SGCB: variants seen among roughly 807,000 people sequenced by gnomAD.
The protein encoded by SGCB is beta-sarcoglycan.
Under a neutral mutation model 27.3 loss-of-function variants are expected in SGCB, and 25 were observed. The ratio of observed to expected loss-of-function variants is 0.92; its 90% CI spans 0.67 to 1.28. SGCB has a LOEUF of 1.28. SGCB is among the 50% of genes most tolerant of loss of function. The pLI is 0.00. For missense variants in SGCB, 436 were observed against 402.1 expected (o/e 1.08, Z -0.72); for synonymous variants, 147 against 133.5 (o/e 1.10, Z -0.70).
intron 5 of SGCB, 38 bp from the exon 6 acceptor site, chr4:52,024,198 T>A (rs747813118): frequency 6.6e-7 from 1 of 1,506,618 alleles, no homozygotes; most frequent in South Asian, 1.1e-5. Context: ...TTTACCTCCA[T>A]GAGGGGGTAC....
intron 5 of SGCB, among the ~76,000 whole-genome samples, chr4:52,025,534 C>T (rs1737068407): frequency 6.6e-6 from 1 of 152,202 alleles, no homozygotes; most frequent in African/African-American, 2.4e-5. Context: ...GTGAAGGGAA[C>T]AACCAGTAGG....
intron 1 of SGCB, among the ~76,000 whole-genome samples, chr4:52,036,995 T>G (rs946442512): frequency 6.6e-6 from 1 of 152,202 alleles, no homozygotes; most frequent in Non-Finnish European, 1.5e-5. Context: ...GGAGACGTAA[T>G]GCGTAAATTT....
intron 1 of SGCB, among the ~76,000 whole-genome samples, chr4:52,037,334 A>AT (rs1182660764): frequency 1.3e-5 from 2 of 152,200 alleles, no homozygotes; most frequent in African/African-American, 4.8e-5. Flanking sequence ...CCAGTGACAT[A>AT]TATCTAATAG....
rs368795726 is a variant in SGCB at position 52,028,863 on chromosome 4, G to A, written c.488C>T (p.Thr163Ile). The A allele has an allele frequency of 9.9e-6, 16 of 1,613,738 alleles. No individual in the cohort carries two copies. Among genetic ancestry groups the A allele is most frequent in the Non-Finnish European group, 1.4e-5 (16 of 1,179,798 alleles). ...LSVENNKTSI[T>I]SDIGMQFFDP... is the part of the protein sequence containing the mutation. Reference sequence around the variant, plus strand: ...AAAAAACTGCATGCCGATGTCACTTGTAATAGAAGTTTTGTTGTTTTCTAC... The same window carrying A: ...AAAAAACTGCATGCCGATGTCACTTATAATAGAAGTTTTGTTGTTTTCTAC... The change falls in exon 4 of 6, where the codon ACA becomes ATA. Residue 163 changes from threonine (T) to isoleucine (I), a missense_variant. Physicochemically the swap from Thr to Ile is moderately conservative, Grantham distance 89. Transcript: ENST00000381431.
rs1475655132 is a variant in SGCB, at chr4:52,021,427, G to C, written c.*2530C>G. 1 of 152,298 alleles carries C rather than the reference G, an allele frequency of 6.6e-6. No individual in the cohort carries two copies. Among genetic ancestry groups the C allele is most frequent in the Non-Finnish European group, 1.5e-5 (1 of 68,138 alleles). 9.4% of individuals were successfully genotyped at this position (152,298 alleles called of 1,614,324 possible). A position where few individuals can be genotyped will look rare whatever the true frequency, so the allele number is the denominator to read the frequency against. On this transcript the variant is annotated 3_prime_UTR_variant, in exon 6 of 6. Coordinates refer to ENST00000381431, the MANE Select transcript of SGCB (RefSeq NM_000232.5). ...TAATCCCAGCACTTTGGGAGGCCAAGGCAGGCAGATCACGAGGTCAAGAGA... is the reference window on the plus strand; with the variant it reads ...TAATCCCAGCACTTTGGGAGGCCAACGCAGGCAGATCACGAGGTCAAGAGA...
chr4:52,027,113 A>T (rs920820646), intron 5 of SGCB, among the ~76,000 whole-genome samples: 27 of 152,064 alleles, frequency 1.8e-4, no homozygotes, highest in Admixed American at 5.9e-4. Context: ...TGAAATTGAA[A>T]TTTTTTTTAA....
At chr4:52,033,049 G>A (rs999868591) in intron 2 of SGCB, among the ~76,000 whole-genome samples, 1 of 152,140 alleles carries the variant, frequency 6.6e-6, no homozygotes, top group Non-Finnish European at 1.5e-5. Context: ...TGTAGGAAAA[G>A]TTAAATGAAA....
At chr4:52,033,957 T>G (rs1737317523) in intron 1 of SGCB, among the ~76,000 whole-genome samples, 1 of 152,136 alleles carries the variant, frequency 6.6e-6, no homozygotes, top group African/African-American at 2.4e-5. Context: ...CTTTTATTAA[T>G]AATTTATTAA....
At chr4:52,025,841 G>A (rs1420623460) in intron 5 of SGCB, among the ~76,000 whole-genome samples, 1 of 152,196 alleles carries the variant, frequency 6.6e-6, no homozygotes, top group Non-Finnish European at 1.5e-5. Flanking sequence ...TCTTCTGAAG[G>A]TAGAGCCAGA....
At chr4:52,032,179 C>T (rs1215018066) in intron 2 of SGCB, among the ~76,000 whole-genome samples, 1 of 152,152 alleles carries the variant, frequency 6.6e-6, no homozygotes, top group Non-Finnish European at 1.5e-5. Context: ...GCCTAGGGAT[C>T]TCACTGCTTC....
At chr4:52,028,491 C>A (rs547850120) in intron 4 of SGCB, among the ~76,000 whole-genome samples, 1 of 152,012 alleles carries the variant, frequency 6.6e-6, no homozygotes, top group Non-Finnish European at 1.5e-5. Context: ...CAAAACTTAG[C>A]CGGGCATGGT....
At chr4:52,030,435 C>T (rs1266560704) in intron 2 of SGCB, among the ~76,000 whole-genome samples, 1 of 152,080 alleles carries the variant, frequency 6.6e-6, no homozygotes, top group Non-Finnish European at 1.5e-5. Flanking sequence ...CATTACCAAA[C>T]CAAATATGTC....
chr4:52,027,024 T>C (rs900644015), intron 5 of SGCB, among the ~76,000 whole-genome samples: 3 of 152,194 alleles, frequency 2.0e-5, no homozygotes, highest in African/African-American at 7.2e-5. Flanking sequence ...TATTTAGAGA[T>C]GGGATTATGT....
At chr4:52,024,826 TCAAAAAAAA>T (rs1560566133) in intron 5 of SGCB, among the ~76,000 whole-genome samples, 1 of 56,820 alleles carries the variant, frequency 1.8e-5, no homozygotes, top group Non-Finnish European at 3.1e-5. Context: ...AGACACTGTC[TCAAAAAAAA>T]AAAAAAAAAA....
intron 2 of SGCB, among the ~76,000 whole-genome samples, chr4:52,030,465 C>A (rs1235748350): frequency 1.3e-5 from 2 of 152,066 alleles, no homozygotes; most frequent in African/African-American, 4.8e-5. Flanking sequence ...CAGTTTCTTT[C>A]CTGTACCTTG....
At chr4:52,037,963 A>C (rs543401877) in intron 1 of SGCB, among the ~76,000 whole-genome samples, 5 of 152,170 alleles carry the variant, frequency 3.3e-5, no homozygotes, top group Non-Finnish European at 7.4e-5. Context: ...GGCTCTCCGG[A>C]AGGAGACCCC....
Position 52,033,522 on chromosome 4 carries a change from C to G in SGCB, c.152G>C (p.Arg51Pro). Residue 51 changes from arginine to proline, a missense_variant, in exon 2 of 6, where the codon CGT becomes CCT. Arg to Pro is a moderately radical substitution (Grantham distance 103). Coordinates refer to ENST00000381431, the MANE Select transcript of SGCB (RefSeq NM_000232.5). The part of the protein sequence containing the change: ...KAGYIPIDED[R>P]LHKTGLRGRK... ...TCCTCTCAACCCTGTTTTGTGGAGA[C>G]GATCTTCATCAATCGGAATGTATCC... 1 of 1,613,724 alleles carries G rather than the reference C, an allele frequency of 6.2e-7. No individual in the cohort carries two copies. Among genetic ancestry groups the G allele is most frequent in the Non-Finnish European group, 8.5e-7 (1 of 1,179,694 alleles).
chr4:52,031,390 CTCTGTG>C (rs1255363877), intron 2 of SGCB, among the ~76,000 whole-genome samples: 1 of 106,624 alleles, frequency 9.4e-6, no homozygotes, highest in Non-Finnish European at 2.2e-5. Flanking sequence ...ACCCATTCAT[CTCTGTG>C]TGTGTGTGTA....
At position 52,024,136 on chromosome 4, in the gene SGCB, A is replaced by G; in HGVS notation, c.778T>C (p.Ser260Pro). ...AGGCGGGTGGTGCTGACCATCACAG[A>G]TCCATTTAGGATGATACTGTTTTCC... is the stretch of plus-strand genomic sequence containing the variant. ...KAENSIILNGSVMVSTTRLPS... is the reference protein window; with the variant it reads ...KAENSIILNGPVMVSTTRLPS... The change falls in exon 6 of 6, where the codon TCT becomes CCT. Residue 260 changes from serine (S) to proline (P), a missense_variant. Physicochemically the swap from Ser to Pro is moderately conservative, Grantham distance 74. Transcript: ENST00000381431. The G allele has an allele frequency of 1.2e-6, 2 of 1,613,932 alleles. No homozygotes were observed. The highest frequency in any genetic ancestry group is 1.7e-6 in the Non-Finnish European group (2 of 1,179,906).
Sources: gnomAD v4.1 joint callset for allele counts (sites outside exome capture counted in the v4.1 genomes callset) on GRCh38, gnomAD v4.1.1 for gene constraint, MANE v1.5 for transcripts, NCBI Gene and HGNC (gene_info 2026-07-23, HGNC 2026-07-21) for gene names.